The following DGKQ variants were observed in gnomAD, a reference collection of about 807,000 sequenced individuals.
The protein encoded by DGKQ is DAG kinase theta.
DGKQ carries 97 observed loss-of-function variants against 104.2 expected under a neutral mutation model. That is an observed-to-expected ratio of 0.93 (90% CI 0.79 to 1.10). The LOEUF (loss-of-function observed/expected upper bound fraction) is 1.10, where lower values mean the gene tolerates loss of function less well. Among genes scored for constraint, DGKQ ranks in the 50% least tolerant of loss-of-function variants. The probability of loss-of-function intolerance (pLI) is 0.00; values close to 1 mark genes in which losing one functional copy is unlikely to be tolerated. For missense variants in DGKQ, 1,465 were observed against 1,352.1 expected (o/e 1.08, Z -1.31); for synonymous variants, 736 against 595.2 (o/e 1.24, Z -3.44).
At chr4:972,069 ACCCCACG>A in intron 1 of DGKQ, among the ~76,000 whole-genome samples, 1 of 151,702 alleles carries the variant, frequency 6.6e-6, no homozygotes, top group East Asian at 1.9e-4. Context: ...GGGCCTGCTC[ACCCCACG>A]CCCCACGCTT....
rs2153010181 is a variant in DGKQ, at chr4:967,945, A to G, written c.746T>C (p.Val249Ala). Reference protein sequence around the residue: ...LRSLVLPPACVRLLPGGFSKT... With the variant: ...LRSLVLPPACARLLPGGFSKT... ...GCTGAAGCCGCCGGGCAGAAGGCGC[A>G]CGCACGCGGGAGGCAGGACCAGGGA... is the stretch of plus-strand genomic sequence containing the variant. The change falls in exon 6 of 23, where the codon GTG becomes GCG. Residue 249 changes from valine to alanine, a missense_variant. Coordinates refer to ENST00000273814, the MANE Select transcript of DGKQ (RefSeq NM_001347.4). 2.0e-6 allele frequency: 3 copies of G among 1,481,830 alleles called. No individual in the cohort carries two copies. Among genetic ancestry groups the G allele is most frequent in the African/African-American group, 1.5e-5 (1 of 68,904 alleles). The allele number at this position is 1,481,830 out of a possible 1,614,324, so 91.8% of individuals were successfully genotyped here.
In DGKQ at chr4:967,946, C is replaced by CG; in HGVS notation, c.744dup (p.Val249ArgfsTer56). On this transcript the variant is annotated frameshift_variant, in exon 6 of 23. Transcript: ENST00000273814. LOFTEE classifies it high-confidence loss of function. ...CTGAAGCCGCCGGGCAGAAGGCGCA[C>CG]GCACGCGGGAGGCAGGACCAGGGAG... 5.4e-6 allele frequency: 8 copies of CG among 1,481,824 alleles called. No individual in the cohort carries two copies. The highest frequency in any genetic ancestry group is 7.1e-6 in the Non-Finnish European group (8 of 1,124,212). 91.8% of individuals were successfully genotyped at this position (1,481,824 alleles called of 1,614,324 possible).
At chr4:964,826 T>C (rs546359680) in intron 15 of DGKQ, among the ~76,000 whole-genome samples, 1 of 152,276 alleles carries the variant, frequency 6.6e-6, no homozygotes, top group South Asian at 2.1e-4. Context: ...GCCCGGCACA[T>C]CCAGGAGCTG....
In DGKQ at chr4:973,426, G is replaced by A. The variant is rs1309432329; in HGVS notation, c.57C>T (p.Arg19=). ...ARAWLGGGSP[R]PGSPACSPVL... ...CGGGGCTGCAGGCCGGGCTGCCGGGGCGCGGGGAGCCGCCGCCCAGCCAGG... is the reference window on the plus strand; with the variant it reads ...CGGGGCTGCAGGCCGGGCTGCCGGGACGCGGGGAGCCGCCGCCCAGCCAGG... The change falls in exon 1 of 23, where the codon CGC becomes CGT. Residue 19 remains arginine (R), a synonymous_variant. Transcript: ENST00000273814. The A allele has an allele frequency of 1.0e-6, 1 of 992,400 alleles. No individual in the cohort carries two copies. Among genetic ancestry groups the A allele is most frequent in the Middle Eastern group, 5.1e-4 (1 of 1,964 alleles). The allele number at this position is 992,400 out of a possible 1,614,324, so 61.5% of individuals were successfully genotyped here. A position where few individuals can be genotyped will look rare whatever the true frequency, so the allele number is the denominator to read the frequency against.
intron 1 of DGKQ, among the ~76,000 whole-genome samples, chr4:972,121 T>C (rs1224944905): frequency 1.3e-5 from 2 of 152,018 alleles, no homozygotes; most frequent in Non-Finnish European, 2.9e-5. Flanking sequence ...CTCCTTCCCA[T>C]ACCGCTGCTG....
chr4:962,665 C>T (rs1223827650), intron 17 of DGKQ, 52 bp from the exon 18 acceptor site: 12 of 1,592,116 alleles, frequency 7.5e-6, no homozygotes, highest in Middle Eastern at 1.7e-4. Context: ...CGCCCATCAG[C>T]TGGGTGCAGA....
At position 960,562 on chromosome 4, in the gene DGKQ, G is replaced by T. The variant is rs147173078; in HGVS notation, c.*58C>A. The T allele has an allele frequency of 6.5e-7, 1 of 1,531,262 alleles. No homozygotes were observed. The highest frequency in any genetic ancestry group is 9.0e-7 in the Non-Finnish European group (1 of 1,113,530). The allele number at this position is 1,531,262 out of a possible 1,614,324, so 94.9% of individuals were successfully genotyped here. On this transcript the variant is annotated 3_prime_UTR_variant, in exon 23 of 23. Coordinates refer to ENST00000273814, the MANE Select transcript of DGKQ (RefSeq NM_001347.4). ...ACGTGGAGCTGCCTCCAGACCACCT[G>T]AAAACAAGGCTGGCGGGAGCAGAGA... is the stretch of plus-strand genomic sequence containing the variant.
At chr4:965,065 T>C (rs986991909) in intron 15 of DGKQ, 111 bp downstream of exon 15, 2 of 782,280 alleles carry the variant, frequency 2.6e-6, no homozygotes, top group African/African-American at 1.7e-5. Context: ...AAGGAAGTGA[T>C]GCCAGATGAA....
intron 18 of DGKQ, 55 bp from the exon 19 acceptor site, chr4:962,137 A>T (rs541669195): frequency 6.8e-7 from 1 of 1,473,266 alleles, no homozygotes; most frequent in South Asian, 1.1e-5. Context: ...AGGCCCCCTG[A>T]GCTCCCCAAC....
At position 971,240 on chromosome 4, in the gene DGKQ, G is replaced by A. The variant is rs1443661070; in HGVS notation, c.272-168C>T. Among the ~76,000 whole-genome samples, 1 of 152,096 alleles carries A rather than the reference G, an allele frequency of 6.6e-6. No individual in the cohort carries two copies. The highest frequency in any genetic ancestry group is 1.5e-5 in the Non-Finnish European group (1 of 68,000). On this transcript the variant is annotated intron_variant, in intron 1 of 22. Coordinates refer to ENST00000273814, the MANE Select transcript of DGKQ (RefSeq NM_001347.4). The surrounding 1 kb of genome is among the most constrained non-coding windows in gnomAD (Gnocchi z 4.0). The stretch of plus-strand genomic sequence containing the variant: ...CCTGCCCACTCATTGGAGAGAGCCT[G>A]CAGCCCAGGAGCCCAGGAGCAAGAA...
In DGKQ at chr4:961,512, G is replaced by C. The variant is rs781357808; in HGVS notation, c.2529C>G (p.Asp843Glu). The change falls in exon 21 of 23, where the codon GAC becomes GAG. Residue 843 changes from aspartate to glutamate, a missense_variant. Asp to Glu is a conservative substitution (Grantham distance 45, BLOSUM62 2). Coordinates refer to ENST00000273814, the MANE Select transcript of DGKQ (RefSeq NM_001347.4). ...CGCCCACAACCTCCAGCAGCCCGTC[G>C]TCCATGCGTGGCTTCTCAAACCTGG... Reference protein sequence around the residue: ...SDTRFEKPRMDDGLLEVVGVT... With the variant: ...SDTRFEKPRMEDGLLEVVGVT... 6.2e-7 allele frequency: 1 copy of C among 1,608,500 alleles called. No homozygotes were observed. Among genetic ancestry groups the C allele is most frequent in the Non-Finnish European group, 8.5e-7 (1 of 1,178,466 alleles).
chr4:967,972 C>T lies in DGKQ; in HGVS notation c.719G>A (p.Arg240His), dbSNP rs113007498. 3,277 of 1,481,402 alleles carry T rather than the reference C, an allele frequency of 2.2e-3. 4 individuals carry two copies. The highest frequency in any genetic ancestry group is 5.3e-3 in the Middle Eastern group (26 of 4,902). The allele number at this position is 1,481,402 out of a possible 1,614,324, so 91.8% of individuals were successfully genotyped here. A position where few individuals can be genotyped will look rare whatever the true frequency, so the allele number is the denominator to read the frequency against. Residue 240 changes from arginine (R) to histidine (H), a missense_variant, in exon 6 of 23, where the codon CGC becomes CAC. By Grantham distance (29) the Arg-to-His change is conservative. Coordinates refer to ENST00000273814, the MANE Select transcript of DGKQ (RefSeq NM_001347.4). ...GCACGCGGGAGGCAGGACCAGGGAG[C>T]GCAGACGCCCGAAGCCACACTCGGG... ...LAPECGFGRL[R>H]SLVLPPACVR...
Position 960,447 on chromosome 4 carries a change from T to C in DGKQ, c.*173A>G. 1 of 614,224 alleles carries C rather than the reference T, an allele frequency of 1.6e-6. No homozygotes were observed. Among genetic ancestry groups the C allele is most frequent in the Non-Finnish European group, 2.9e-6 (1 of 344,622 alleles). The allele number at this position is 614,224 out of a possible 1,614,324, so 38.0% of individuals were successfully genotyped here. A position where few individuals can be genotyped will look rare whatever the true frequency, so the allele number is the denominator to read the frequency against. ...CTGTGACACCAACATGTGTCACCAA[T>C]GGGATGAGGGCGGGTCCCGCTCCGT... On this transcript the variant is annotated 3_prime_UTR_variant, in exon 23 of 23. Coordinates refer to ENST00000273814, the MANE Select transcript of DGKQ (RefSeq NM_001347.4).
chr4:961,564 GCC>G lies in DGKQ; in HGVS notation c.2475_2476del (p.Ala826ArgfsTer12), dbSNP rs1232784057. 2 of 1,608,450 alleles carry G rather than the reference GCC, an allele frequency of 1.2e-6. No homozygotes were observed. Among genetic ancestry groups the G allele is most frequent in the Non-Finnish European group, 1.7e-6 (2 of 1,178,388 alleles). On this transcript the variant is annotated frameshift_variant, in exon 21 of 23. Transcript: ENST00000273814. LOFTEE classifies it high-confidence loss of function. ...GTCGCTGTCGGAGCCCCACAGGTCG[GCC>G]CCCGAGCCCCAGCTGCCGCATAAGA...
At chr4:968,724 G>A in intron 3 of DGKQ, 87 bp downstream of exon 3, 1 of 1,398,392 alleles carries the variant, frequency 7.2e-7, no homozygotes, top group Non-Finnish European at 9.8e-7. Flanking sequence ...CATCACCCCT[G>A]ACAAGCTGCA....
Position 973,566 on chromosome 4 carries a change from G to A in DGKQ, c.-84C>T. On this transcript the variant is annotated 5_prime_UTR_variant, in exon 1 of 23. Coordinates refer to ENST00000273814, the MANE Select transcript of DGKQ (RefSeq NM_001347.4). ...CTCCACGGCCCGGTACACTGCTTCC[G>A]ACTGCGCCTGCCCCACTGCGCAGGC... is the stretch of plus-strand genomic sequence containing the variant. 3.1e-6 allele frequency: 3 copies of A among 977,962 alleles called. No homozygotes were observed. The highest frequency in any genetic ancestry group is 3.6e-6 in the Non-Finnish European group (3 of 823,664). 60.6% of individuals were successfully genotyped at this position (977,962 alleles called of 1,614,324 possible).
At position 960,791 on chromosome 4, in the gene DGKQ, C is replaced by T. The variant is rs960686103; in HGVS notation, c.2728-70G>A. ...GAAAGAACGGTACACGGGCAGCCCC[C>T]GGTCCTGGGGCCCCGGGCAGCTGAT... is the stretch of plus-strand genomic sequence containing the variant. On this transcript the variant is annotated intron_variant, in intron 22 of 22. Coordinates refer to ENST00000273814, the MANE Select transcript of DGKQ (RefSeq NM_001347.4). The T allele has an allele frequency of 6.7e-5, 105 of 1,571,084 alleles. 1 individual carries two copies. The Admixed American group carries it at 1.1e-3, about 17-fold the overall frequency.
intron 19 of DGKQ, 35 bp downstream of exon 19, chr4:961,947 C>A: frequency 6.2e-7 from 1 of 1,610,934 alleles, no homozygotes; most frequent in East Asian, 2.2e-5. Flanking sequence ...GGGAGGTATG[C>A]CGTTGACAGG....
At chr4:965,152 G>C in intron 15 of DGKQ, 24 bp downstream of exon 15, 2 of 1,604,368 alleles carry the variant, frequency 1.2e-6, no homozygotes, top group Non-Finnish European at 1.7e-6. Flanking sequence ...GGTGTGTGAA[G>C]AGCCGGCTTG....
Sources: gnomAD v4.1 joint callset for allele counts (sites outside exome capture counted in the v4.1 genomes callset) on GRCh38, gnomAD v4.1.1 for gene constraint, Gnocchi (gnomAD v3.1) non-coding constraint, MANE v1.5 for transcripts, NCBI Gene and HGNC (gene_info 2026-07-23, HGNC 2026-07-21) for gene names.